The following CNBD1 variants were observed in gnomAD, a reference collection of about 807,000 sequenced individuals.
CNBD1 encodes the protein cyclic nucleotide-binding domain-containing protein 1.
Under a neutral mutation model 54.4 loss-of-function variants are expected in CNBD1, and 71 were observed. The ratio of observed to expected loss-of-function variants is 1.30; its 90% CI spans 1.08 to 1.59. CNBD1 has a LOEUF of 1.59. Among genes scored for constraint, CNBD1 ranks in the 40% most tolerant of loss-of-function variants. CNBD1 has a pLI of 0.00. For missense variants in CNBD1, 659 were observed against 518.0 expected, an observed-to-expected ratio of 1.27 and a Z score of -2.64; for synonymous variants, 182 against 170.7, an observed-to-expected ratio of 1.07 and a Z score of -0.51.
At chr8:86,976,100 TGA>T (rs1041722156) in intron 4 of CNBD1, among the ~76,000 whole-genome samples, 1 of 151,822 alleles carries the variant, frequency 6.6e-6, no homozygotes, top group African/African-American at 2.4e-5. Context: ...TTGAGTAATT[TGA>T]GTTTCTTATA....
At chr8:86,960,392 C>T (rs1807897795) in intron 4 of CNBD1, among the ~76,000 whole-genome samples, 1 of 152,152 alleles carries the variant, frequency 6.6e-6, no homozygotes, top group African/African-American at 2.4e-5. Flanking sequence ...ACTGCTAGCA[C>T]AGCAGTCTGA....
intron 10 of CNBD1, among the ~76,000 whole-genome samples, chr8:87,368,271 C>CA (rs1235909358): frequency 6.6e-6 from 1 of 151,814 alleles, no homozygotes; most frequent in Middle Eastern, 3.2e-3. Flanking sequence ...TGAACGCTGT[C>CA]AAAAAACAAT....
At chr8:87,213,240 G>T (rs749214738) in intron 5 of CNBD1, among the ~76,000 whole-genome samples, 1 of 152,146 alleles carries the variant, frequency 6.6e-6, no homozygotes, top group Non-Finnish European at 1.5e-5. Context: ...TCATACATTT[G>T]TCTTGGGATT....
chr8:87,379,654 G>T (rs1047565608), intron 10 of CNBD1, among the ~76,000 whole-genome samples: 1 of 151,942 alleles, frequency 6.6e-6, no homozygotes, highest in Admixed American at 6.6e-5. Flanking sequence ...GGTCATAAAA[G>T]TGCATATTAA....
intron 2 of CNBD1, among the ~76,000 whole-genome samples, chr8:87,392,090 A>G (rs73693647): frequency 2.7e-3 from 411 of 152,224 alleles, no homozygotes; most frequent in African/African-American, 9.4e-3. Context: ...GATGAAAATC[A>G]GAACAGCAGT....
chr8:87,248,134 A>G (rs1222731427), intron 6 of CNBD1, among the ~76,000 whole-genome samples: 3 of 152,216 alleles, frequency 2.0e-5, no homozygotes, highest in Non-Finnish European at 4.4e-5. Flanking sequence ...CCTGAAAAAT[A>G]TATCACACAA....
At chr8:87,380,843 A>G (rs1236381447) in intron 10 of CNBD1, among the ~76,000 whole-genome samples, 1 of 152,082 alleles carries the variant, frequency 6.6e-6, no homozygotes, top group Non-Finnish European at 1.5e-5. Context: ...GGATATCCAC[A>G]TTCAAGAATA....
chr8:86,996,364 A>G (rs2130537161), intron 4 of CNBD1, among the ~76,000 whole-genome samples: 1 of 152,304 alleles, frequency 6.6e-6, no homozygotes, highest in East Asian at 1.9e-4. Flanking sequence ...GGATGCTGAG[A>G]ATTCTCAATA....
chr8:86,922,086 C>G (rs1297549920), intron 3 of CNBD1, among the ~76,000 whole-genome samples: 1 of 151,958 alleles, frequency 6.6e-6, no homozygotes, highest in Non-Finnish European at 1.5e-5. Context: ...TAAGAGTTGT[C>G]CAGAAGAAGA....
chr8:87,360,154 C>A (rs184363018), intron 10 of CNBD1, among the ~76,000 whole-genome samples: 1 of 151,996 alleles, frequency 6.6e-6, no homozygotes, highest in Non-Finnish European at 1.5e-5. Flanking sequence ...ACTCACTGTA[C>A]CTGTACTTCA....
At chr8:87,067,057 A>AT (rs1810669005) in intron 4 of CNBD1, among the ~76,000 whole-genome samples, 1 of 151,928 alleles carries the variant, frequency 6.6e-6, no homozygotes, top group Non-Finnish European at 1.5e-5. Context: ...TGCATTTTAA[A>AT]TTTAGGTACA....
intron 1 of CNBD1, among the ~76,000 whole-genome samples, chr8:86,868,339 T>G (rs769040738): frequency 6.6e-6 from 1 of 152,138 alleles, no homozygotes; most frequent in Non-Finnish European, 1.5e-5. Context: ...ATTTATTTAT[T>G]TATTCATTTT....
intron 4 of CNBD1, among the ~76,000 whole-genome samples, chr8:86,967,174 G>A (rs1203108507): frequency 6.6e-6 from 1 of 152,202 alleles, no homozygotes; most frequent in Non-Finnish European, 1.5e-5. Flanking sequence ...CAGAAAAAGT[G>A]CGTGTGGGGG....
chr8:87,281,875 AT>A (rs1317456467), intron 6 of CNBD1, among the ~76,000 whole-genome samples: 1 of 151,354 alleles, frequency 6.6e-6, no homozygotes. Context: ...GTATTATGAC[AT>A]TAATTACAAT....
intron 6 of CNBD1, among the ~76,000 whole-genome samples, chr8:87,283,233 T>C (rs1465271034): frequency 6.6e-6 from 1 of 152,124 alleles, no homozygotes; most frequent in Non-Finnish European, 1.5e-5. Context: ...TTTATTTTGT[T>C]CTTTTCCAAA....
At chr8:87,218,062 G>A (rs1274714341) in intron 5 of CNBD1, among the ~76,000 whole-genome samples, 2 of 151,998 alleles carry the variant, frequency 1.3e-5, no homozygotes, top group South Asian at 2.1e-4. Flanking sequence ...TCTTCCACCC[G>A]AATACCTATG....
At chr8:87,047,414 T>G (rs1184011216) in intron 4 of CNBD1, among the ~76,000 whole-genome samples, 1 of 152,144 alleles carries the variant, frequency 6.6e-6, no homozygotes, top group Admixed American at 6.5e-5. Context: ...CTGAGCAAAT[T>G]GTTCAGGGAA....
rs1028549970 is a variant in CNBD1, at chr8:87,276,296, T to C, written c.772-8382T>C. Among the ~76,000 whole-genome samples the C allele has an allele frequency of 4.6e-5, 7 of 152,024 alleles. No individual in the cohort carries two copies. The South Asian group carries it at 1.4e-3, about 31-fold the overall frequency. ...TCATCTTGATCCTTCTTTCAGTTTT[T>C]ATTTTATTTAAGGGAAAAAATATCA... On this transcript the variant is annotated intron_variant, in intron 6 of 10. Transcript: ENST00000518476.
chr8:87,286,407 A>G (rs2130871277), intron 7 of CNBD1, 132 bp from the exon 8 acceptor site: 1 of 572,708 alleles, frequency 1.7e-6, no homozygotes, highest in South Asian at 2.5e-5. Context: ...CTCAGATAAA[A>G]TTCAAATGTA....
Sources: gnomAD v4.1 joint callset for allele counts (sites outside exome capture counted in the v4.1 genomes callset) on GRCh38, gnomAD v4.1.1 for gene constraint, MANE v1.5 for transcripts, NCBI Gene and HGNC (gene_info 2026-07-23, HGNC 2026-07-21) for gene names.